Variants in UPF2 observed in about 807,000 individuals in gnomAD.
UPF2 encodes the protein UPF2 regulator of nonsense mediated mRNA decay, also known as regulator of nonsense transcripts 2.
Under a neutral mutation model 141.4 loss-of-function variants are expected in UPF2, and 17 were observed. The ratio of observed to expected loss-of-function variants is 0.12; its 90% CI spans 0.08 to 0.18. The LOEUF is 0.18. Ranked by LOEUF, UPF2 falls within the 10% of genes least tolerant of loss-of-function variation. The pLI is 1.00. For missense variants in UPF2, 1,152 were observed against 1,515.9 expected, an observed-to-expected ratio of 0.76 and a Z score of 3.99; for synonymous variants, 540 against 498.0, an observed-to-expected ratio of 1.08 and a Z score of -1.12.
At chr10:11,937,881 T>A (rs1450144319) in intron 18 of UPF2, among the ~76,000 whole-genome samples, 1 of 152,252 alleles carries the variant, frequency 6.6e-6, no homozygotes, top group Admixed American at 6.5e-5. Flanking sequence ...TTATAAAGAC[T>A]TTTTACTTAA....
chr10:11,982,457 T>G (rs1217681346), intron 8 of UPF2, among the ~76,000 whole-genome samples: 1 of 152,138 alleles, frequency 6.6e-6, no homozygotes, highest in Non-Finnish European at 1.5e-5. Context: ...ATGCTCTGAC[T>G]CAGGGCCTAT....
At chr10:12,036,174 C>T (rs2131317729) in intron 1 of UPF2, among the ~76,000 whole-genome samples, 1 of 152,280 alleles carries the variant, frequency 6.6e-6, no homozygotes, top group South Asian at 2.1e-4. Context: ...AGTTCAGCAC[C>T]ATTGACAGTT....
At chr10:11,938,859 T>TTTTTTG (rs1832892865) in intron 18 of UPF2, among the ~76,000 whole-genome samples, 3 of 70,828 alleles carry the variant, frequency 4.2e-5, no homozygotes, top group African/African-American at 1.2e-4. Context: ...TTTTGTTTTT[T>TTTTTTG]TTTTTTTTTT....
intron 8 of UPF2, among the ~76,000 whole-genome samples, chr10:11,987,071 T>C (rs1281399334): frequency 2.0e-5 from 3 of 152,224 alleles, no homozygotes; most frequent in Admixed American, 1.3e-4. Flanking sequence ...CTTTCCCTGA[T>C]ACTGATTGAC....
At chr10:11,942,182 T>C (rs1355139446) in intron 18 of UPF2, among the ~76,000 whole-genome samples, 1 of 152,116 alleles carries the variant, frequency 6.6e-6, no homozygotes, top group Non-Finnish European at 1.5e-5. Context: ...GAGACCAACC[T>C]GGCCAACACG....
Position 11,936,770 on chromosome 10 carries a change from A to C in UPF2, c.3379-58T>G. On this transcript the variant is annotated intron_variant, in intron 18 of 21. Transcript: ENST00000357604. This position sits in a 1 kb window ranked among gnomAD's most constrained non-coding sequence, Gnocchi z 6.6. ...TCCAAGATATATACGGATATATGTC[A>C]ATATAAATTGCAAACTCATTCAATG... The C allele has an allele frequency of 1.4e-6, 2 of 1,461,406 alleles. No homozygotes were observed. Among genetic ancestry groups the C allele is most frequent in the Non-Finnish European group, 9.1e-7 (1 of 1,096,904 alleles). 90.5% of individuals were successfully genotyped at this position (1,461,406 alleles called of 1,614,324 possible).
Position 11,998,816 on chromosome 10 carries a change from T to G in UPF2, c.1759-1059A>C. 6.6e-6 allele frequency among the ~76,000 whole-genome samples: 1 copy of G among 152,008 alleles called. No individual in the cohort carries two copies. The highest frequency in any genetic ancestry group is 2.1e-4 in the South Asian group (1 of 4,822). On this transcript the variant is annotated intron_variant, in intron 7 of 21. Transcript: ENST00000357604. This position sits in a 1 kb window ranked among gnomAD's most constrained non-coding sequence, Gnocchi z 4.5. ...TTGCAGTGAGCCGAGAACATGCCAC[T>G]GCACTCCAGCCTGGGCAACAGAGCA... is the stretch of plus-strand genomic sequence containing the variant.
chr10:11,971,544 G>A (rs968265227), intron 9 of UPF2, among the ~76,000 whole-genome samples: 15 of 151,994 alleles, frequency 9.9e-5, no homozygotes, highest in South Asian at 2.1e-4. Context: ...GAGCCACCGC[G>A]CCCGGTCTTC....
chr10:12,007,046 T>C (rs1484086921), intron 4 of UPF2, among the ~76,000 whole-genome samples: 2 of 152,182 alleles, frequency 1.3e-5, no homozygotes, highest in African/African-American at 4.8e-5. Context: ...CAAGTTTCTG[T>C]TGTTCATAAG....
chr10:11,933,461 T>TA (rs1832805829), intron 19 of UPF2, among the ~76,000 whole-genome samples: 1 of 152,200 alleles, frequency 6.6e-6, no homozygotes, highest in African/African-American at 2.4e-5. Flanking sequence ...CTAATATTTT[T>TA]AAAATTTAGT....
intron 8 of UPF2, among the ~76,000 whole-genome samples, chr10:11,995,680 G>A (rs897389854): frequency 1.3e-5 from 2 of 152,136 alleles, no homozygotes; most frequent in Non-Finnish European, 2.9e-5. Context: ...CTACTCGGGA[G>A]GCTGAGGGAG....
intron 8 of UPF2, among the ~76,000 whole-genome samples, chr10:11,990,944 G>C (rs914236678): frequency 6.8e-6 from 1 of 147,126 alleles, no homozygotes; most frequent in African/African-American, 2.5e-5. Context: ...GCCAAGATCA[G>C]GCCACTGCAC....
In UPF2 at chr10:11,952,048, C is replaced by T; in HGVS notation, c.3034+18G>A. ...GCCAAATATCACCTTCATTTTCTGT[C>T]TGCAATCAATTGCTTACCTAGTTTT... On this transcript the variant is annotated intron_variant, in intron 15 of 21. Coordinates refer to ENST00000357604, the MANE Select transcript of UPF2 (RefSeq NM_015542.4). The T allele has an allele frequency of 6.2e-7, 1 of 1,610,316 alleles. No homozygotes were observed. Among genetic ancestry groups the T allele is most frequent in the African/African-American group, 1.3e-5 (1 of 74,978 alleles).
intron 9 of UPF2, among the ~76,000 whole-genome samples, chr10:11,977,047 G>A (rs1018084319): frequency 1.1e-4 from 17 of 152,118 alleles, no homozygotes; most frequent in Admixed American, 9.2e-4. Flanking sequence ...GCACAGTTTC[G>A]AATCTGCAGA....
intron 6 of UPF2, among the ~76,000 whole-genome samples, chr10:12,000,624 A>G (rs1833936280): frequency 6.6e-6 from 1 of 152,044 alleles, no homozygotes; most frequent in Admixed American, 6.6e-5. Flanking sequence ...TAAAAAATAT[A>G]AAATAAAATA....
rs200041297 is a variant in UPF2 at position 11,956,362 on chromosome 10, G to A, written c.2532C>T (p.His844=). The stretch of plus-strand genomic sequence containing the variant: ...TATCTTCTAACACTCCATCCACAAC[G>A]TGGATCCCAACATCCTCTTGGTAGA... ...LVLYQEDVGI[H]VVDGVLEDIR... Residue 844 remains histidine, a synonymous_variant, in exon 13 of 22, where the codon CAC becomes CAT. Transcript: ENST00000357604. This position sits in a 1 kb window ranked among gnomAD's most constrained non-coding sequence, Gnocchi z 4.2. 24 of 1,613,952 alleles carry A rather than the reference G, an allele frequency of 1.5e-5. No individual in the cohort carries two copies. The highest frequency in any genetic ancestry group is 3.3e-5 in the Admixed American group (2 of 59,994).
At chr10:12,031,630 G>T (rs1834525627) in intron 2 of UPF2, among the ~76,000 whole-genome samples, 1 of 152,206 alleles carries the variant, frequency 6.6e-6, no homozygotes, top group South Asian at 2.1e-4. Flanking sequence ...TTAAAAATTA[G>T]CTGGACATGG....
chr10:12,001,652 A>G, intron 6 of UPF2, 24 bp downstream of exon 6: 2 of 1,575,752 alleles, frequency 1.3e-6, no homozygotes, highest in Non-Finnish European at 1.7e-6. Context: ...ATTAAAAATG[A>G]AAGTTGGTAA....
intron 14 of UPF2, 107 bp downstream of exon 14, chr10:11,955,125 C>CAT: frequency 9.3e-7 from 1 of 1,078,880 alleles, no homozygotes; most frequent in Non-Finnish European, 1.2e-6. Context: ...TAATTATGAA[C>CAT]ATATATATAA....
Sources: gnomAD v4.1 joint callset for allele counts (sites outside exome capture counted in the v4.1 genomes callset) on GRCh38, gnomAD v4.1.1 for gene constraint, Gnocchi (gnomAD v3.1) non-coding constraint, MANE v1.5 for transcripts, NCBI Gene and HGNC (gene_info 2026-07-23, HGNC 2026-07-21) for gene names.